Variants in WWOX observed in about 807,000 individuals in gnomAD.
WWOX encodes the protein WW domain-containing oxidoreductase.
Under a neutral mutation model 46.2 loss-of-function variants are expected in WWOX, and 69 were observed. That is an observed-to-expected ratio of 1.49 (90% CI 1.23 to 1.82). The LOEUF is 1.82. Among genes scored for constraint, WWOX ranks in the 40% most tolerant of loss-of-function variants. WWOX has a pLI of 0.00. For missense variants in WWOX, 919 were observed against 542.6 expected (o/e 1.69, Z -6.89); for synonymous variants, 359 against 202.6 (o/e 1.77, Z -6.56).
chr16:79,015,197 G>C (rs1178624697), intron 8 of WWOX, among the ~76,000 whole-genome samples: 1 of 152,088 alleles, frequency 6.6e-6, no homozygotes, highest in East Asian at 1.9e-4. Flanking sequence ...CTTAGGCCCT[G>C]GAATAAGACA....
chr16:79,096,957 G>C (rs1018020237), intron 8 of WWOX, among the ~76,000 whole-genome samples: 1 of 152,066 alleles, frequency 6.6e-6, no homozygotes, highest in African/African-American at 2.4e-5. Flanking sequence ...TGGGGAGGGG[G>C]CCAGGAAGAA....
intron 8 of WWOX, among the ~76,000 whole-genome samples, chr16:78,660,148 T>C (rs1343725363): frequency 6.6e-6 from 1 of 152,150 alleles, no homozygotes; most frequent in Non-Finnish European, 1.5e-5. Flanking sequence ...TTCCCATCTG[T>C]TTACTATTGT....
intron 5 of WWOX, chr16:78,168,588 A>G (rs1425456046): frequency 6.6e-6 from 1 of 151,936 alleles, no homozygotes; most frequent in Non-Finnish European, 1.5e-5. Context: ...GCTCCACCCC[A>G]TGGCCCATCT....
At chr16:79,052,819 G>C (rs2048193938) in intron 8 of WWOX, among the ~76,000 whole-genome samples, 1 of 152,180 alleles carries the variant, frequency 6.6e-6, no homozygotes, top group East Asian at 1.9e-4. Context: ...TTTCTTTATG[G>C]CACTGAGGAG....
At chr16:78,405,323 A>C (rs1469203011) in intron 6 of WWOX, among the ~76,000 whole-genome samples, 1 of 152,178 alleles carries the variant, frequency 6.6e-6, no homozygotes, top group East Asian at 1.9e-4. Flanking sequence ...ACTGAAATAA[A>C]AAAAAATTAA....
intron 5 of WWOX, among the ~76,000 whole-genome samples, chr16:78,304,530 C>T (rs1198776123): frequency 2.0e-5 from 3 of 152,168 alleles, no homozygotes; most frequent in Non-Finnish European, 2.9e-5. Context: ...AGGGTAAGCA[C>T]ACTGTTTTGC....
chr16:78,712,408 G>A (rs753424203), intron 8 of WWOX, among the ~76,000 whole-genome samples: 6 of 151,934 alleles, frequency 3.9e-5, no homozygotes, highest in East Asian at 1.9e-4. Context: ...AGGCTGAGGC[G>A]GGAGAATCGC....
At position 78,632,708 on chromosome 16, in the gene WWOX, G is replaced by A. The variant is rs138196974; in HGVS notation, c.1056+199956G>A. 2.6e-3 allele frequency among the ~76,000 whole-genome samples: 389 copies of A among 151,656 alleles called. 1 individual carries two copies. Among genetic ancestry groups the A allele is most frequent in the African/African-American group, 8.6e-3 (356 of 41,340 alleles). On this transcript the variant is annotated intron_variant, in intron 8 of 8. Transcript: ENST00000566780. ...CGAATAGCTGGGATTACAGGTGTGC[G>A]CCACCACGCCCAGCTGATTTTGTAT... is the stretch of plus-strand genomic sequence containing the variant.
At chr16:78,462,756 A>G (rs2083981443) in intron 8 of WWOX, among the ~76,000 whole-genome samples, 1 of 152,218 alleles carries the variant, frequency 6.6e-6, no homozygotes, top group Non-Finnish European at 1.5e-5. Flanking sequence ...CAGTTGTTGT[A>G]AACTCGTCCT....
At chr16:78,422,707 A>G (rs1322796854) in intron 6 of WWOX, among the ~76,000 whole-genome samples, 1 of 122,940 alleles carries the variant, frequency 8.1e-6, no homozygotes, top group Non-Finnish European at 1.7e-5. Context: ...ACACATATAT[A>G]TATACACACA....
At chr16:78,699,854 T>C (rs2048175575) in intron 8 of WWOX, among the ~76,000 whole-genome samples, 1 of 152,176 alleles carries the variant, frequency 6.6e-6, no homozygotes, top group Non-Finnish European at 1.5e-5. Flanking sequence ...TATTTCTCTT[T>C]GTAGCTGCAT....
intron 8 of WWOX, among the ~76,000 whole-genome samples, chr16:78,683,172 C>A (rs868011594): frequency 6.6e-6 from 1 of 152,092 alleles, no homozygotes; most frequent in Non-Finnish European, 1.5e-5. Flanking sequence ...CTGAGTGTTA[C>A]TTGGTCTTTA....
chr16:78,755,310 A>C (rs925079376), intron 8 of WWOX, among the ~76,000 whole-genome samples: 1 of 152,112 alleles, frequency 6.6e-6, no homozygotes, highest in Non-Finnish European at 1.5e-5. Flanking sequence ...CAGGAATTGG[A>C]GAATGTCTTG....
At chr16:78,925,885 C>A (rs540678508) in intron 8 of WWOX, among the ~76,000 whole-genome samples, 1 of 152,260 alleles carries the variant, frequency 6.6e-6, no homozygotes, top group South Asian at 2.1e-4. Flanking sequence ...TTTGATCCCA[C>A]CCTTGCCTCC....
chr16:78,617,199 C>A (rs1261248870), intron 8 of WWOX, among the ~76,000 whole-genome samples: 1 of 152,032 alleles, frequency 6.6e-6, no homozygotes. Context: ...ATCACTTGAG[C>A]CCCGGAGTTG....
At chr16:78,301,009 C>CATCT (rs1458011352) in intron 5 of WWOX, among the ~76,000 whole-genome samples, 1 of 152,046 alleles carries the variant, frequency 6.6e-6, no homozygotes. Context: ...TCCATCCATC[C>CATCT]ATCCATCCAT....
chr16:78,509,872 G>A (rs1371019772), intron 8 of WWOX, among the ~76,000 whole-genome samples: 1 of 150,962 alleles, frequency 6.6e-6, no homozygotes, highest in Non-Finnish European at 1.5e-5. Flanking sequence ...AGGATCACTT[G>A]AGCCTGGGAG....
chr16:78,832,249 C>A (rs1052867737), intron 8 of WWOX, among the ~76,000 whole-genome samples: 1 of 152,138 alleles, frequency 6.6e-6, no homozygotes, highest in Non-Finnish European at 1.5e-5. Context: ...AGTTCTTCAC[C>A]ATGGGGGCCT....
chr16:78,617,901 A>T (rs561760416), intron 8 of WWOX, among the ~76,000 whole-genome samples: 1 of 152,202 alleles, frequency 6.6e-6, no homozygotes, highest in Non-Finnish European at 1.5e-5. Flanking sequence ...GCATCTTTTC[A>T]TGTGCACATT....
Sources: allele counts gnomAD v4.1 joint callset (sites outside exome capture counted in the v4.1 genomes callset), GRCh38; gene constraint gnomAD v4.1.1; transcripts MANE v1.5; gene names NCBI Gene and HGNC (gene_info 2026-07-23, HGNC 2026-07-21).